The following CBLB variants were observed in gnomAD, a reference collection of about 807,000 sequenced individuals.
The protein encoded by CBLB is Cbl proto-oncogene B.
In CBLB, 31 loss-of-function variants were observed where a neutral mutation model predicts 104.9. The observed-to-expected ratio is 0.30, with a 90% CI of 0.22 to 0.40. CBLB has a LOEUF of 0.40. Ranked by LOEUF, CBLB falls within the 10% of genes least tolerant of loss-of-function variation. The probability of loss-of-function intolerance (pLI) is 1.00; values close to 1 mark genes in which losing one functional copy is unlikely to be tolerated. For missense variants in CBLB, 1,062 were observed against 1,214.6 expected, an observed-to-expected ratio of 0.87 and a Z score of 1.87; for synonymous variants, 440 against 422.6, an observed-to-expected ratio of 1.04 and a Z score of -0.51.
At chr3:105,704,919 T>C (rs186095250) in intron 10 of CBLB, among the ~76,000 whole-genome samples, 2 of 152,154 alleles carry the variant, frequency 1.3e-5, no homozygotes, top group African/African-American at 4.8e-5. Context: ...GTTGTGTGTT[T>C]GTGTGTGTGT....
chr3:105,730,410 T>A (rs1049446370), intron 9 of CBLB, among the ~76,000 whole-genome samples: 1 of 152,216 alleles, frequency 6.6e-6, no homozygotes, highest in Admixed American at 6.5e-5. Flanking sequence ...TAAGAGCTTT[T>A]CACAACCTAC....
At position 105,795,074 on chromosome 3, in the gene CBLB, C is replaced by T. The variant is rs568511397; in HGVS notation, c.420-18532G>A. Among the ~76,000 whole-genome samples, 11 of 152,106 alleles carry T rather than the reference C, an allele frequency of 7.2e-5. 1 individual carries two copies. In the East Asian group the frequency reaches 1.5e-3, roughly 21 times the overall value. The stretch of plus-strand genomic sequence containing the variant: ...GACTACAGACACGCACCACCACGCC[C>T]GGCTAATTTTTTGTATTTTAGTAGA... On this transcript the variant is annotated intron_variant, in intron 3 of 18. Transcript: ENST00000394030.
At chr3:105,704,671 G>A (rs1049981908) in intron 10 of CBLB, among the ~76,000 whole-genome samples, 14 of 151,902 alleles carry the variant, frequency 9.2e-5, no homozygotes, top group Non-Finnish European at 1.6e-4. Context: ...ATAATTGTGT[G>A]TTTAAAACAA....
chr3:105,776,611 A>G (rs976344650), intron 3 of CBLB, 69 bp from the exon 4 acceptor site: 2 of 1,360,430 alleles, frequency 1.5e-6, no homozygotes, highest in African/African-American at 2.9e-5. Flanking sequence ...TTTTATGGTA[A>G]TATATATTAA....
intron 6 of CBLB, among the ~76,000 whole-genome samples, chr3:105,743,692 T>G (rs1435092201): frequency 6.6e-6 from 1 of 150,902 alleles, no homozygotes; most frequent in African/African-American, 2.4e-5. Flanking sequence ...CCAATTGTTT[T>G]CTATACTATG....
chr3:105,740,451 T>G (rs1560035423), intron 7 of CBLB, 43 bp downstream of exon 7: 1 of 1,608,722 alleles, frequency 6.2e-7, no homozygotes, highest in Admixed American at 1.7e-5. Context: ...ATTTTTCAAA[T>G]TCATGAATCA....
At chr3:105,856,148 G>A (rs968833444) in intron 2 of CBLB, among the ~76,000 whole-genome samples, 5 of 151,892 alleles carry the variant, frequency 3.3e-5, no homozygotes, top group African/African-American at 1.2e-4. Flanking sequence ...TCAGGAGTTC[G>A]AGACCAGCCT....
At chr3:105,763,546 AGTGCCTTTCGC>A (rs968145508) in intron 4 of CBLB, among the ~76,000 whole-genome samples, 6 of 152,210 alleles carry the variant, frequency 3.9e-5, no homozygotes, top group African/African-American at 1.4e-4. Context: ...CCACGTAAGA[AGTGCCTTTCGC>A]CTTCCACCAC....
At chr3:105,723,320 C>T (rs2073148526) in intron 9 of CBLB, among the ~76,000 whole-genome samples, 3 of 152,104 alleles carry the variant, frequency 2.0e-5, no homozygotes, top group Non-Finnish European at 4.4e-5. Flanking sequence ...CAATAAATAA[C>T]TCATTTTCTA....
intron 4 of CBLB, among the ~76,000 whole-genome samples, chr3:105,756,180 T>C (rs1186574278): frequency 2.6e-5 from 4 of 152,164 alleles, no homozygotes; most frequent in African/African-American, 9.6e-5. Context: ...GAAGAATCAA[T>C]GAAAACCACA....
Position 105,793,818 on chromosome 3 carries a change from CA to C in CBLB, c.420-17277del, listed in dbSNP as rs2081962067. On this transcript the variant is annotated intron_variant, in intron 3 of 18. Transcript: ENST00000394030. The stretch of plus-strand genomic sequence containing the variant: ...CATGCCTCTAATCACAGGTGAAGAA[CA>C]ACTCAATATACACTACAAACTTTGA... Among the ~76,000 whole-genome samples the C allele has an allele frequency of 3.9e-5, 6 of 152,030 alleles. No individual in the cohort carries two copies. The South Asian group carries it at 1.2e-3, about 32-fold the overall frequency.
intron 9 of CBLB, among the ~76,000 whole-genome samples, chr3:105,726,878 G>A (rs141813334): frequency 6.6e-6 from 1 of 152,272 alleles, no homozygotes; most frequent in African/African-American, 2.4e-5. Flanking sequence ...CAAAGGACAT[G>A]AACTCATCCT....
At chr3:105,726,878 G>C (rs141813334) in intron 9 of CBLB, among the ~76,000 whole-genome samples, 1 of 152,154 alleles carries the variant, frequency 6.6e-6, no homozygotes, top group African/African-American at 2.4e-5. Flanking sequence ...CAAAGGACAT[G>C]AACTCATCCT....
At chr3:105,679,335 TTAAAAAAA>T (rs2066028332) in intron 16 of CBLB, among the ~76,000 whole-genome samples, 5 of 75,160 alleles carry the variant, frequency 6.7e-5, no homozygotes, top group Admixed American at 1.4e-4. Flanking sequence ...CCTTGAGTCT[TTAAAAAAA>T]AAAAAAAAAA....
At chr3:105,842,246 T>C (rs1040298853) in intron 3 of CBLB, among the ~76,000 whole-genome samples, 5 of 152,184 alleles carry the variant, frequency 3.3e-5, no homozygotes, top group East Asian at 1.9e-4. Flanking sequence ...CCTAATGCTG[T>C]CCCTCTGTGA....
At chr3:105,682,913 C>T (rs1039806263) in intron 14 of CBLB, among the ~76,000 whole-genome samples, 23 of 152,258 alleles carry the variant, frequency 1.5e-4, no homozygotes, top group African/African-American at 5.5e-4. Flanking sequence ...TTGCCTTCAG[C>T]ATATAGCTCT....
intron 3 of CBLB, 106 bp from the exon 4 acceptor site, chr3:105,776,648 C>T (rs2079510697): frequency 8.5e-6 from 9 of 1,063,494 alleles, no homozygotes; most frequent in Admixed American, 3.7e-5. Flanking sequence ...TATGTATCAA[C>T]GTATGTCTTG....
rs537141884 is a variant in CBLB, at chr3:105,745,675, G to A, written c.845+242C>T. Among the ~76,000 whole-genome samples, 144 of 152,134 alleles carry A rather than the reference G, an allele frequency of 9.5e-4. 1 individual carries two copies. Among genetic ancestry groups the A allele is most frequent in the African/African-American group, 3.4e-3 (143 of 41,522 alleles). On this transcript the variant is annotated intron_variant, in intron 6 of 18. Transcript: ENST00000394030. The stretch of plus-strand genomic sequence containing the variant: ...TACATTCAATTTTGCACATAAACAC[G>A]GATATCATGAAAACAGAAAGGAGAC...
At chr3:105,859,662 C>CAA (rs33981342) in intron 2 of CBLB, among the ~76,000 whole-genome samples, 1 of 94,206 alleles carries the variant, frequency 1.1e-5, no homozygotes, top group African/African-American at 4.1e-5. Context: ...GACTCCGTGT[C>CAA]AAAAAAAAAA....
Sources: gnomAD v4.1 joint callset for allele counts (sites outside exome capture counted in the v4.1 genomes callset) on GRCh38, gnomAD v4.1.1 for gene constraint, MANE v1.5 for transcripts, NCBI Gene and HGNC (gene_info 2026-07-23, HGNC 2026-07-21) for gene names.